MUC22: variants seen among roughly 807,000 people sequenced by gnomAD.
MUC22 encodes mucin 22.
Under a neutral mutation model 40.3 loss-of-function variants are expected in MUC22, and 24 were observed. That is an observed-to-expected ratio of 0.60 (90% CI 0.43 to 0.84). The LOEUF (loss-of-function observed/expected upper bound fraction) is 0.84. Ranked by LOEUF, MUC22 falls within the 40% of genes least tolerant of loss-of-function variation. The probability of loss-of-function intolerance (pLI) is 0.00; values close to 1 mark genes in which losing one functional copy is unlikely to be tolerated. For synonymous variants in MUC22, 765 were observed against 844.5 expected, an observed-to-expected ratio of 0.91 and a Z score of 1.63; for missense variants, 1,926 against 2,130.7, an observed-to-expected ratio of 0.90 and a Z score of 1.89.
At chr6:31,031,203 G>T (rs775923174) in intron 2 of MUC22, among the ~76,000 whole-genome samples, 1 of 152,190 alleles carries the variant, frequency 6.6e-6, no homozygotes, top group Non-Finnish European at 1.5e-5. Context: ...CACCGCCTCT[G>T]CTGTGTTGAT....
In MUC22 at chr6:31,032,321, G is replaced by T; in HGVS notation, c.4795G>T (p.Gly1599Cys). Residue 1599 changes from glycine to cysteine, a missense_variant, in exon 3 of 4, where the codon GGT (glycine) becomes TGT (cysteine). Around this residue, in one of 3 missense-constraint regions of MUC22, gnomAD observed 610 missense variants for 714.6 expected, o/e 0.85. Transcript: ENST00000561890. The surrounding 1 kb of genome is among the most constrained non-coding windows in gnomAD (Gnocchi z 4.1). Reference sequence around the variant, plus strand: ...AATAGTCTTAAACACCTCTGGCCTGGGTACATCCACTATGGGAGCATCATC... The same window carrying T: ...AATAGTCTTAAACACCTCTGGCCTGTGTACATCCACTATGGGAGCATCATC... 1 of 1,535,546 alleles carries T rather than the reference G, an allele frequency of 6.5e-7. No individual in the cohort carries two copies. Among genetic ancestry groups the T allele is most frequent in the Non-Finnish European group, 8.7e-7 (1 of 1,146,894 alleles).
In MUC22 at chr6:31,034,678, C is replaced by G. The variant is rs1320407300; in HGVS notation, c.5062C>G (p.Leu1688Val). The G allele has an allele frequency of 6.4e-5, 98 of 1,530,444 alleles. No homozygotes were observed. The highest frequency in any genetic ancestry group is 8.4e-5 in the Non-Finnish European group (96 of 1,144,210). 94.8% of individuals were successfully genotyped at this position (1,530,444 alleles called of 1,614,324 possible). ...ATTTATTTTTTTCTTTTAGAGAAAC[C>G]TTTTCTTCCCCCTGAGATATTGTGG... Residue 1688 changes from leucine to valine, a missense_variant, in exon 4 of 4, where the codon CTT becomes GTT. By Grantham distance (32) the Leu-to-Val change is conservative. Transcript: ENST00000561890.
rs1211028960 is a variant in MUC22 at position 31,014,593 on chromosome 6, C to T, written c.70+3817C>T. On this transcript the variant is annotated intron_variant, in intron 1 of 3. Coordinates refer to ENST00000561890, the Ensembl canonical transcript of MUC22. ...TTTATGGTGGGAAATTATTTTAAAA[C>T]CTTATGCACTGTTAGGGTAATGCTA... 3.3e-5 allele frequency among the ~76,000 whole-genome samples: 5 copies of T among 152,136 alleles called. No individual in the cohort carries two copies. The South Asian group carries it at 1.0e-3, about 32-fold the overall frequency.
chr6:31,029,878 T>C (rs1358881804), exon 2 of MUC22: 1 of 1,522,318 alleles, frequency 6.6e-7, no homozygotes. Flanking sequence ...CAGTGCAGGC[T>C]CTGAGACCAA....
exon 4 of MUC22, chr6:31,034,754 T>C (rs1178090749): frequency 6.5e-7 from 1 of 1,535,720 alleles, no homozygotes; most frequent in South Asian, 1.2e-5. Context: ...GACCTGAACT[T>C]GGGCCTGGGC....
chr6:31,017,530 A>G (rs902816457), intron 1 of MUC22, among the ~76,000 whole-genome samples: 3 of 151,966 alleles, frequency 2.0e-5, no homozygotes, highest in Admixed American at 6.5e-5. Flanking sequence ...GAGAATCTTT[A>G]TGTCTAGCTA....
At chr6:31,010,808 G>A (rs1387353979) in intron 1 of MUC22, 32 bp downstream of exon 1, 11 of 702,274 alleles carry the variant, frequency 1.6e-5, no homozygotes, top group Non-Finnish European at 2.9e-5. Flanking sequence ...GAGGGAGAGG[G>A]GCATGGAGGC....
At chr6:31,028,103 A>G in exon 2 of MUC22, 1 of 1,526,608 alleles carries the variant, frequency 6.6e-7, no homozygotes, top group Admixed American at 2.0e-5. Context: ...GCCTCTACTG[A>G]AGGCTCTGAG....
chr6:31,035,242 TG>T, exon 4 of MUC22: 1 of 381,100 alleles, frequency 2.6e-6, no homozygotes. Flanking sequence ...CAGCCTCTGT[TG>T]TGGGGAGTCA....
At position 31,025,717 on chromosome 6, in the gene MUC22, G is replaced by C. The variant is rs138701007; in HGVS notation, c.286G>C (p.Ala96Pro). ...CACCACAGGCTCTGAGACCAACACGGCCTCCACCACAGACTCAGGGACTAC... is the reference window on the plus strand; with the variant it reads ...CACCACAGGCTCTGAGACCAACACGCCCTCCACCACAGACTCAGGGACTAC... The change falls in exon 2 of 4, where the codon GCC (alanine) becomes CCC (proline). Residue 96 changes from alanine (A) to proline (P), a missense_variant. Transcript: ENST00000561890. 2,236 of 1,528,186 alleles carry C rather than the reference G, an allele frequency of 1.5e-3. 82 individuals carry two copies. In the East Asian group the frequency reaches 0.022, roughly 15 times the overall value. The allele number at this position is 1,528,186 out of a possible 1,614,324, so 94.7% of individuals were successfully genotyped here. A position where few individuals can be genotyped will look rare whatever the true frequency, so the allele number is the denominator to read the frequency against.
rs753579386 is a variant in MUC22 at position 31,034,823 on chromosome 6, G to A, written c.5207G>A (p.Gly1736Glu). ...GTTCATGGAGGAGAACTTGAAATGG[G>A]ACATGGAGGAACACACGGCTTTGGA... The change falls in exon 4 of 4, where the codon GGA becomes GAA. Residue 1736 changes from glycine (G) to glutamate (E), a missense_variant. Gly to Glu is a moderately conservative substitution (Grantham distance 98). Around this residue, in one of 3 missense-constraint regions of MUC22, gnomAD observed 610 missense variants for 714.6 expected, o/e 0.85. Transcript: ENST00000561890. The A allele has an allele frequency of 8.5e-5, 130 of 1,535,610 alleles. 1 individual carries two copies. The Middle Eastern group carries it at 4.0e-3, about 47-fold the overall frequency.
chr6:31,022,160 C>T (rs1033892850), intron 1 of MUC22, among the ~76,000 whole-genome samples: 5 of 152,114 alleles, frequency 3.3e-5, no homozygotes, highest in Non-Finnish European at 2.9e-5. Flanking sequence ...TCCAGACATG[C>T]CACCTTAAGA....
exon 2 of MUC22, chr6:31,027,960 T>A: frequency 6.5e-7 from 1 of 1,534,946 alleles, no homozygotes. Flanking sequence ...CTGCAGGCTC[T>A]GAGACCACCA....
intron 3 of MUC22, among the ~76,000 whole-genome samples, chr6:31,033,280 A>G (rs972930774): frequency 2.8e-4 from 42 of 152,016 alleles, no homozygotes; most frequent in African/African-American, 8.7e-4. Flanking sequence ...AGGAAGAAAG[A>G]AAGAAAGAAA....
rs1476884179 is a variant in MUC22, at chr6:31,032,983, T to C, written c.5055+402T>C. 6.6e-6 allele frequency among the ~76,000 whole-genome samples: 1 copy of C among 152,034 alleles called. No homozygotes were observed. The highest frequency in any genetic ancestry group is 1.5e-5 in the Non-Finnish European group (1 of 68,000). ...GCATTTGAGACCAGCCTGGCCAACATGGTGAAACTTGTCTTTACTAAAAAT... is the reference window on the plus strand; with the variant it reads ...GCATTTGAGACCAGCCTGGCCAACACGGTGAAACTTGTCTTTACTAAAAAT... On this transcript the variant is annotated intron_variant, in intron 3 of 3. Transcript: ENST00000561890. This position sits in a 1 kb window ranked among gnomAD's most constrained non-coding sequence, Gnocchi z 4.1.
Position 31,032,981 on chromosome 6 carries a change from C to T in MUC22, c.5055+400C>T, listed in dbSNP as rs1158421533. On this transcript the variant is annotated intron_variant, in intron 3 of 3. Coordinates refer to ENST00000561890, the Ensembl canonical transcript of MUC22. The surrounding 1 kb of genome is among the most constrained non-coding windows in gnomAD (Gnocchi z 4.1). ...AGGCATTTGAGACCAGCCTGGCCAA[C>T]ATGGTGAAACTTGTCTTTACTAAAA... Among the ~76,000 whole-genome samples, 1 of 152,134 alleles carries T rather than the reference C, an allele frequency of 6.6e-6. No homozygotes were observed. The highest frequency in any genetic ancestry group is 1.9e-4 in the East Asian group (1 of 5,192).
chr6:31,014,501 C>A (rs1039156491), intron 1 of MUC22, among the ~76,000 whole-genome samples: 1 of 152,122 alleles, frequency 6.6e-6, no homozygotes, highest in South Asian at 2.1e-4. Flanking sequence ...AAATTCTTAT[C>A]TTTTTTCTGG....
At chr6:31,025,470 A>AT in intron 1 of MUC22, 32 bp from the exon 2 acceptor site, 1 of 1,461,562 alleles carries the variant, frequency 6.8e-7, no homozygotes, top group East Asian at 2.5e-5. Context: ...TCTTTAACCC[A>AT]TTCCCACCAC....
At chr6:31,035,270 G>C in exon 4 of MUC22, 1 of 319,218 alleles carries the variant, frequency 3.1e-6, no homozygotes, top group Non-Finnish European at 5.7e-6. Flanking sequence ...CCACCCTCAG[G>C]ACATCTTCTC....
Sources: gnomAD v4.1 joint callset for allele counts (sites outside exome capture counted in the v4.1 genomes callset) on GRCh38, gnomAD v4.1.1 for gene constraint, gnomAD v4.1.1 regional missense constraint, Gnocchi (gnomAD v3.1) non-coding constraint, MANE v1.5 for transcripts, NCBI Gene and HGNC (gene_info 2026-07-23, HGNC 2026-07-21) for gene names.